OR2L13: variants seen among roughly 807,000 people sequenced by gnomAD.
OR2L13 encodes the protein olfactory receptor 2L13.
In OR2L13, 14 loss-of-function variants were observed where a neutral mutation model predicts 15.3. The observed-to-expected ratio is 0.91, with a 90% confidence interval of 0.60 to 1.43. OR2L13 has a LOEUF of 1.43. Ranked by LOEUF, OR2L13 falls within the 40% of genes most tolerant of loss-of-function variation. OR2L13 has a pLI of 0.00. For synonymous variants in OR2L13, 152 were observed against 142.9 expected (o/e 1.06, Z -0.45); for missense variants, 367 against 387.9 (o/e 0.95, Z 0.45).
chr1:247,988,244 C>G, the OR2L13 span, among the ~76,000 whole-genome samples: 5 of 151,846 alleles, frequency 3.3e-5, no homozygotes, highest in Non-Finnish European at 7.4e-5. Context: ...ATATTTCTCT[C>G]TCTTCTAATT....
chr1:247,950,509 G>A, the OR2L13 span, among the ~76,000 whole-genome samples: 27 of 152,188 alleles, frequency 1.8e-4, no homozygotes, highest in Non-Finnish European at 2.9e-4. Flanking sequence ...TTTTGGTATA[G>A]TGTAAGAATT....
the OR2L13 span, among the ~76,000 whole-genome samples, chr1:247,997,537 T>C: frequency 6.6e-6 from 1 of 152,172 alleles, no homozygotes; most frequent in African/African-American, 2.4e-5. Context: ...TTTTAGTGGT[T>C]TAAATCTTAC....
chr1:247,985,571 C>T, the OR2L13 span, among the ~76,000 whole-genome samples: 1 of 152,092 alleles, frequency 6.6e-6, no homozygotes, highest in African/African-American at 2.4e-5. Flanking sequence ...AATAAACATA[C>T]GTGTGCATGT....
At chr1:248,036,908 T>C in the OR2L13 span, among the ~76,000 whole-genome samples, 1 of 152,280 alleles carries the variant, frequency 6.6e-6, no homozygotes, top group Non-Finnish European at 1.5e-5. Context: ...GATCCCTTCA[T>C]ATGAATGGGA....
At chr1:248,000,979 C>T in the OR2L13 span, among the ~76,000 whole-genome samples, 334 of 151,648 alleles carry the variant, frequency 2.2e-3, 2 homozygotes, top group African/African-American at 7.5e-3. Context: ...AGTGAGCCAC[C>T]GTTATTTCAG....
At chr1:247,979,920 A>G in the OR2L13 span, among the ~76,000 whole-genome samples, 92 of 152,282 alleles carry the variant, frequency 6.0e-4, 1 homozygote, top group Admixed American at 9.2e-4. Flanking sequence ...TTTCTTTGCT[A>G]CCTACCCTGA....
the OR2L13 span, among the ~76,000 whole-genome samples, chr1:247,976,869 G>T: frequency 6.6e-6 from 1 of 152,134 alleles, no homozygotes. Flanking sequence ...TTACATTAAG[G>T]ATACAATTGG....
At chr1:247,944,283 T>G in the OR2L13 span, among the ~76,000 whole-genome samples, 2 of 152,130 alleles carry the variant, frequency 1.3e-5, no homozygotes, top group Non-Finnish European at 2.9e-5. Context: ...GCATGCTTTA[T>G]TATTTTTTTA....
the OR2L13 span, among the ~76,000 whole-genome samples, chr1:248,037,921 C>A: frequency 6.6e-6 from 1 of 152,134 alleles, no homozygotes; most frequent in African/African-American, 2.4e-5. Flanking sequence ...TTTGATTTCC[C>A]ATGAAGCATT....
chr1:247,971,072 A>C, the OR2L13 span, among the ~76,000 whole-genome samples: 1 of 152,228 alleles, frequency 6.6e-6, no homozygotes, highest in Admixed American at 6.5e-5. Flanking sequence ...GATTTTACCA[A>C]GTAAACAAAT....
At chr1:247,987,788 C>T in the OR2L13 span, among the ~76,000 whole-genome samples, 2 of 151,952 alleles carry the variant, frequency 1.3e-5, no homozygotes, top group African/African-American at 2.4e-5. Context: ...GCATCACTAC[C>T]CCCAAACTCA....
chr1:248,044,760 G>A, the OR2L13 span, among the ~76,000 whole-genome samples: 4 of 72,126 alleles, frequency 5.5e-5, 1 homozygote, highest in African/African-American at 5.5e-4. Flanking sequence ...CCGAGATTGC[G>A]CCACTGCAGT....
chr1:248,088,515 C>T, the OR2L13 span, among the ~76,000 whole-genome samples: 391 of 152,208 alleles, frequency 2.6e-3, 2 homozygotes, highest in African/African-American at 9.0e-3. Flanking sequence ...TATTGGTAAA[C>T]GTTCTGGGAG....
the OR2L13 span, among the ~76,000 whole-genome samples, chr1:248,027,845 A>C: frequency 1.6e-4 from 25 of 152,120 alleles, no homozygotes; most frequent in Middle Eastern, 3.4e-3. Context: ...ACTTTAGCCC[A>C]TCACCCATGC....
At chr1:248,052,366 G>A in the OR2L13 span, among the ~76,000 whole-genome samples, 1 of 152,150 alleles carries the variant, frequency 6.6e-6, no homozygotes, top group African/African-American at 2.4e-5. Flanking sequence ...GTTTTATACT[G>A]TTGAGCTATA....
the OR2L13 span, among the ~76,000 whole-genome samples, chr1:248,074,116 A>G: frequency 3.3e-5 from 5 of 152,228 alleles, no homozygotes; most frequent in East Asian, 7.7e-4. Context: ...CAGAATAAAT[A>G]AAAAATTTAA....
chr1:248,079,092 A>G, the OR2L13 span, among the ~76,000 whole-genome samples: 3 of 152,030 alleles, frequency 2.0e-5, no homozygotes, highest in African/African-American at 7.3e-5. Flanking sequence ...ATGTGATAAA[A>G]ATTTCATTGA....
the OR2L13 span, among the ~76,000 whole-genome samples, chr1:247,987,510 G>A: frequency 1.6e-4 from 24 of 152,034 alleles, no homozygotes; most frequent in Non-Finnish European, 2.9e-4. Flanking sequence ...ATTCTTAACC[G>A]TGATAGAATT....
the OR2L13 span, chr1:247,965,831 G>A: frequency 1.2e-6 from 2 of 1,613,176 alleles, no homozygotes; most frequent in Non-Finnish European, 1.7e-6. Context: ...TGGGCCAGTG[G>A]TTCTATCAAT....
Sources: allele counts gnomAD v4.1 joint callset (sites outside exome capture counted in the v4.1 genomes callset), GRCh38; gene constraint gnomAD v4.1.1; transcripts MANE v1.5; gene names NCBI Gene and HGNC (gene_info 2026-07-23, HGNC 2026-07-21).